ALDH3A2: variants seen among roughly 807,000 people sequenced by gnomAD.
The protein encoded by ALDH3A2 is aldehyde dehydrogenase family 3 member A2.
Under a neutral mutation model 51.3 loss-of-function variants are expected in ALDH3A2, and 36 were observed. The ratio of observed to expected loss-of-function variants is 0.70; its 90% CI spans 0.54 to 0.93. The LOEUF is 0.93. Among genes scored for constraint, ALDH3A2 ranks in the 40% least tolerant of loss-of-function variants. The pLI, the probability that ALDH3A2 is intolerant of heterozygous loss-of-function variation, is 0.00. For synonymous variants in ALDH3A2, 199 were observed against 219.8 expected, an observed-to-expected ratio of 0.91 and a Z score of 0.84; for missense variants, 552 against 603.1, an observed-to-expected ratio of 0.92 and a Z score of 0.89.
chr17:19,677,509 G>C lies in ALDH3A2; in HGVS notation c.*1937G>C, dbSNP rs1385795221. The stretch of plus-strand genomic sequence containing the variant: ...TGGCATCAATTTTAATGACGCTCCT[G>C]GTATGGAACCTCAGATATACCCTAT... On this transcript the variant is annotated 3_prime_UTR_variant, in exon 10 of 10. Transcript: ENST00000176643. 1 of 151,976 alleles carries C rather than the reference G, an allele frequency of 6.6e-6. No individual in the cohort carries two copies. The highest frequency in any genetic ancestry group is 1.9e-4 in the East Asian group (1 of 5,182). 9.4% of individuals were successfully genotyped at this position (151,976 alleles called of 1,614,324 possible).
At chr17:19,653,699 A>G (rs2084851768) in intron 3 of ALDH3A2, among the ~76,000 whole-genome samples, 1 of 152,198 alleles carries the variant, frequency 6.6e-6, no homozygotes, top group African/African-American at 2.4e-5. Flanking sequence ...GTGCGGACCC[A>G]GAGTGAGCAG....
intron 5 of ALDH3A2, among the ~76,000 whole-genome samples, chr17:19,658,250 G>A (rs2084923181): frequency 6.6e-6 from 1 of 152,186 alleles, no homozygotes; most frequent in African/African-American, 2.4e-5. Context: ...TATGTAGAGG[G>A]CCTAGGGTGG....
chr17:19,655,979 CAG>C (rs2084889676), intron 3 of ALDH3A2, among the ~76,000 whole-genome samples: 1 of 152,256 alleles, frequency 6.6e-6, no homozygotes, highest in Non-Finnish European at 1.5e-5. Context: ...TGTTGTGAGA[CAG>C]AGAACATTCA....
At chr17:19,672,476 C>A in intron 9 of ALDH3A2, 1 of 174,692 alleles carries the variant, frequency 5.7e-6, no homozygotes, top group Non-Finnish European at 1.2e-5. Flanking sequence ...CTCCAAAGTT[C>A]ACTACCTGAT....
chr17:19,659,940 G>T (rs2084946406), intron 5 of ALDH3A2, among the ~76,000 whole-genome samples: 1 of 151,998 alleles, frequency 6.6e-6, no homozygotes, highest in Admixed American at 6.6e-5. Flanking sequence ...TGAGGTGCTA[G>T]GGTCTTGACA....
rs2084771462 is a variant in ALDH3A2, at chr17:19,648,848, G to T, written c.-124G>T. 3.8e-6 allele frequency: 5 copies of T among 1,319,390 alleles called. No individual in the cohort carries two copies. Among genetic ancestry groups the T allele is most frequent in the Admixed American group, 4.1e-5 (2 of 48,678 alleles). 81.7% of individuals were successfully genotyped at this position (1,319,390 alleles called of 1,614,324 possible). On this transcript the variant is annotated 5_prime_UTR_variant, in exon 1 of 10. Coordinates refer to ENST00000176643, the MANE Select transcript of ALDH3A2 (RefSeq NM_000382.3). ...CTGGGCGAGTGAATTGTGGCTGTGG[G>T]TTGACGGTGGAGACACCCCCCGGAG... is the stretch of plus-strand genomic sequence containing the variant.
In ALDH3A2 at chr17:19,656,589, C is replaced by A; in HGVS notation, c.680+15C>A. On this transcript the variant is annotated intron_variant, in intron 4 of 9. Transcript: ENST00000176643. The stretch of plus-strand genomic sequence containing the variant: ...ATTGTTTGCAGGTGAGTCTGGCTCT[C>A]TGATTTTCTGAGGTTTTCCCAGCAC... 6.3e-7 allele frequency: 1 copy of A among 1,597,432 alleles called. No individual in the cohort carries two copies. Among genetic ancestry groups the A allele is most frequent in the Non-Finnish European group, 8.5e-7 (1 of 1,170,386 alleles).
intron 1 of ALDH3A2, 121 bp from the exon 2 acceptor site, chr17:19,651,426 C>A: frequency 2.4e-6 from 2 of 844,392 alleles, no homozygotes; most frequent in Non-Finnish European, 4.0e-6. Context: ...GAATGGCAAA[C>A]AGCTAGTCTG....
At chr17:19,667,454 G>GA (rs973975776) in intron 8 of ALDH3A2, among the ~76,000 whole-genome samples, 2 of 151,910 alleles carry the variant, frequency 1.3e-5, no homozygotes, top group African/African-American at 2.4e-5. Flanking sequence ...TTTCCAAATT[G>GA]AAAAAAATGC....
At position 19,671,881 on chromosome 17, in the gene ALDH3A2, G is replaced by A; in HGVS notation, c.1368G>A (p.Leu456=). The change falls in exon 9 of 10, where the codon TTG becomes TTA. Residue 456 remains leucine, a synonymous_variant. Coordinates refer to ENST00000176643, the MANE Select transcript of ALDH3A2 (RefSeq NM_000382.3). ...SKVDWGKFFL[L]KRFNKEKLGL... ...TGGATTGGGGAAAATTTTTTCTCTT[G>A]AAACGGTTCAACAAAGAAAAACTCG... 6.2e-7 allele frequency: 1 copy of A among 1,614,170 alleles called. No homozygotes were observed. Among genetic ancestry groups the A allele is most frequent in the Non-Finnish European group, 8.5e-7 (1 of 1,180,032 alleles).
intron 3 of ALDH3A2, among the ~76,000 whole-genome samples, chr17:19,653,981 C>G (rs879262253): frequency 2.0e-5 from 3 of 152,064 alleles, no homozygotes; most frequent in Non-Finnish European, 2.9e-5. Context: ...TCTCCAAGTC[C>G]CCACTAGATT....
rs140519419 is a variant in ALDH3A2 at position 19,663,413 on chromosome 17, C to T, written c.1021C>T (p.Pro341Ser). 3 of 1,614,066 alleles carry T rather than the reference C, an allele frequency of 1.9e-6. No homozygotes were observed. The highest frequency in any genetic ancestry group is 1.1e-5 in the South Asian group (1 of 91,062). Residue 341 changes from proline to serine, a missense_variant, in exon 7 of 10, where the codon CCT (proline) becomes TCT (serine). By Grantham distance (74) the Pro-to-Ser change is moderately conservative. Coordinates refer to ENST00000176643, the MANE Select transcript of ALDH3A2 (RefSeq NM_000382.3). ...TTTTGGACCAATTCTTCCAATAGTG[C>T]CTGTGAAAAATGTAGATGAGGCCAT... ...EIFGPILPIV[P>S]VKNVDEAINF... is the part of the protein sequence containing the mutation.
chr17:19,651,501 G>A, intron 1 of ALDH3A2, 46 bp from the exon 2 acceptor site: 1 of 1,493,782 alleles, frequency 6.7e-7, no homozygotes, highest in Non-Finnish European at 9.3e-7. Flanking sequence ...AGGGCCAAGT[G>A]TATCATACTT....
At position 19,677,349 on chromosome 17, in the gene ALDH3A2, A is replaced by T. The variant is rs1387119064; in HGVS notation, c.*1777A>T. On this transcript the variant is annotated 3_prime_UTR_variant, in exon 10 of 10. Transcript: ENST00000176643. ...GCCTAGTTTAGGAAAAAGCTGCTTA[A>T]AACTGTGGCTCTAAGAGAGTAATCA... 6.6e-6 allele frequency: 1 copy of T among 152,246 alleles called. No individual in the cohort carries two copies. 9.4% of individuals were successfully genotyped at this position (152,246 alleles called of 1,614,324 possible). A position where few individuals can be genotyped will look rare whatever the true frequency, so the allele number is the denominator to read the frequency against.
In ALDH3A2 at chr17:19,665,857, A is replaced by C. The variant is rs181280294; in HGVS notation, c.1207+810A>C. 1.7e-3 allele frequency among the ~76,000 whole-genome samples: 264 copies of C among 152,324 alleles called. 1 individual carries two copies. Among genetic ancestry groups the C allele is most frequent in the Non-Finnish European group, 1.9e-3 (132 of 68,034 alleles). On this transcript the variant is annotated intron_variant, in intron 8 of 9. Coordinates refer to ENST00000176643, the MANE Select transcript of ALDH3A2 (RefSeq NM_000382.3). ...AGCCACTGTCTTAAAGCCCTGTTCT[A>C]TCCTCTCCCTTTGTAATACCGTCCT... is the stretch of plus-strand genomic sequence containing the variant.
chr17:19,663,415 T>C lies in ALDH3A2; in HGVS notation c.1023T>C (p.Pro341=). Residue 341 remains proline (P), a synonymous_variant, in exon 7 of 10, where the codon CCT becomes CCC. Transcript: ENST00000176643. ...EIFGPILPIV[P]VKNVDEAINF... ...TTGGACCAATTCTTCCAATAGTGCC[T>C]GTGAAAAATGTAGATGAGGCCATAA... is the stretch of plus-strand genomic sequence containing the variant. 1 of 1,614,170 alleles carries C rather than the reference T, an allele frequency of 6.2e-7. No homozygotes were observed. The highest frequency in any genetic ancestry group is 1.3e-5 in the African/African-American group (1 of 75,042).
At chr17:19,675,275 A>T in intron 9 of ALDH3A2, 1 of 433,318 alleles carries the variant, frequency 2.3e-6, no homozygotes, top group Non-Finnish European at 4.1e-6. Context: ...TTCTGTCTCT[A>T]CTCTGACATT....
chr17:19,653,066 A>G (rs1162848063), intron 3 of ALDH3A2, among the ~76,000 whole-genome samples: 1 of 145,012 alleles, frequency 6.9e-6, no homozygotes, highest in Non-Finnish European at 1.5e-5. Flanking sequence ...TTTTTTTGAG[A>G]TGGAATCTTG....
intron 5 of ALDH3A2, among the ~76,000 whole-genome samples, chr17:19,660,475 C>T (rs2084952276): frequency 6.6e-6 from 1 of 152,010 alleles, no homozygotes; most frequent in African/African-American, 2.4e-5. Context: ...TGAAGTGATG[C>T]AGCAATTCAG....
Sources: gnomAD v4.1 joint callset for allele counts (sites outside exome capture counted in the v4.1 genomes callset) on GRCh38, gnomAD v4.1.1 for gene constraint, MANE v1.5 for transcripts, NCBI Gene and HGNC (gene_info 2026-07-23, HGNC 2026-07-21) for gene names.